Variants in SLC7A11 observed in about 807,000 individuals in gnomAD.
The protein encoded by SLC7A11 is solute carrier family 7 member 11.
SLC7A11 carries 35 observed loss-of-function variants against 54.5 expected under a neutral mutation model. The observed-to-expected ratio is 0.64, with a 90% CI of 0.49 to 0.85. The LOEUF is 0.85. Ranked by LOEUF, SLC7A11 falls within the 40% of genes least tolerant of loss-of-function variation. SLC7A11 has a pLI of 0.00. For synonymous variants in SLC7A11, 230 were observed against 225.2 expected (o/e 1.02, Z -0.19); for missense variants, 583 against 618.1 (o/e 0.94, Z 0.60).
intron 7 of SLC7A11, among the ~76,000 whole-genome samples, chr4:138,184,245 T>C (rs1391159996): frequency 6.6e-6 from 1 of 152,140 alleles, no homozygotes; most frequent in Non-Finnish European, 1.5e-5. Flanking sequence ...TTCAATGTAG[T>C]GAACTCATAC....
At chr4:138,216,832 C>T (rs1350149237) in intron 5 of SLC7A11, among the ~76,000 whole-genome samples, 1 of 152,188 alleles carries the variant, frequency 6.6e-6, no homozygotes, top group Non-Finnish European at 1.5e-5. Context: ...CAAACATTGT[C>T]ATAGCAGCAG....
chr4:138,239,178 G>A (rs1738318294), intron 1 of SLC7A11, among the ~76,000 whole-genome samples: 1 of 152,038 alleles, frequency 6.6e-6, no homozygotes, highest in South Asian at 2.1e-4. Context: ...AATGTTATTG[G>A]GAAGAGTCTT....
rs1042816828 is a variant in SLC7A11 at position 138,235,894 on chromosome 4, G to A, written c.404+431C>T. 2.0e-5 allele frequency among the ~76,000 whole-genome samples: 3 copies of A among 152,266 alleles called. No homozygotes were observed. In the South Asian group the frequency reaches 6.2e-4, roughly 32 times the overall value. ...ACTTGGTGACCAACTAAGTTGTGAG[G>A]CACAGAAGTGTCTTGGTCACAATGA... is the stretch of plus-strand genomic sequence containing the variant. On this transcript the variant is annotated intron_variant, in intron 2 of 11. Coordinates refer to ENST00000280612, the MANE Select transcript of SLC7A11 (RefSeq NM_014331.4).
intron 11 of SLC7A11, among the ~76,000 whole-genome samples, chr4:138,178,781 A>G (rs924145152): frequency 6.6e-6 from 1 of 152,148 alleles, no homozygotes; most frequent in Non-Finnish European, 1.5e-5. Flanking sequence ...CTTTTAAGGT[A>G]GCGTACAGTC....
At chr4:138,219,711 A>G (rs1295822170) in intron 4 of SLC7A11, among the ~76,000 whole-genome samples, 7 of 152,226 alleles carry the variant, frequency 4.6e-5, no homozygotes, top group Non-Finnish European at 8.8e-5. Context: ...AGAATTCTTA[A>G]AAGATAGAAT....
intron 11 of SLC7A11, chr4:138,177,654 A>G (rs1320526920): frequency 4.6e-5 from 7 of 152,134 alleles, no homozygotes; most frequent in Non-Finnish European, 1.0e-4. Context: ...GAATAATAGC[A>G]CCTCACACAT....
In SLC7A11 at chr4:138,219,201, T is replaced by C. The variant is rs541726373; in HGVS notation, c.746+65A>G. On this transcript the variant is annotated intron_variant, in intron 5 of 11. Coordinates refer to ENST00000280612, the MANE Select transcript of SLC7A11 (RefSeq NM_014331.4). The stretch of plus-strand genomic sequence containing the variant: ...TTTGCCTGGCACCTTGCTTGGCACT[T>C]AATCTGAGTGCATAATGGGATTAAT... The C allele has an allele frequency of 1.1e-4, 95 of 899,870 alleles. 1 individual carries two copies. In the South Asian group the frequency reaches 1.4e-3, roughly 13 times the overall value. 55.7% of individuals were successfully genotyped at this position (899,870 alleles called of 1,614,324 possible). A position where few individuals can be genotyped will look rare whatever the true frequency, so the allele number is the denominator to read the frequency against.
chr4:138,240,363 G>A (rs1738346469), intron 1 of SLC7A11, among the ~76,000 whole-genome samples: 1 of 151,930 alleles, frequency 6.6e-6, no homozygotes, highest in African/African-American at 2.4e-5. Flanking sequence ...TCAGGAGATC[G>A]AGACCATCCT....
chr4:138,203,342 C>T (rs1325116277), intron 6 of SLC7A11, among the ~76,000 whole-genome samples: 1 of 151,996 alleles, frequency 6.6e-6, no homozygotes, highest in African/African-American at 2.4e-5. Flanking sequence ...ATTCTCATTT[C>T]AATGCTTTTG....
chr4:138,214,061 A>G (rs1032831599), intron 6 of SLC7A11, among the ~76,000 whole-genome samples: 1 of 152,072 alleles, frequency 6.6e-6, no homozygotes, highest in African/African-American at 2.4e-5. Flanking sequence ...GTTGTTACCT[A>G]GAAAGAAAGA....
In SLC7A11 at chr4:138,166,532, T is replaced by C. The variant is rs1431034391; in HGVS notation, c.*5424A>G. 1.3e-5 allele frequency: 2 copies of C among 152,556 alleles called. No homozygotes were observed. The highest frequency in any genetic ancestry group is 2.9e-5 in the Non-Finnish European group (2 of 68,024). 9.5% of individuals were successfully genotyped at this position (152,556 alleles called of 1,614,324 possible). A position where few individuals can be genotyped will look rare whatever the true frequency, so the allele number is the denominator to read the frequency against. On this transcript the variant is annotated 3_prime_UTR_variant, in exon 12 of 12. Transcript: ENST00000280612. ...ACCAATACATTAATTCACTTGAAAG[T>C]CATACTTTTAAAAAAAATCAGTAGT...
intron 1 of SLC7A11, 148 bp from the exon 2 acceptor site, chr4:138,236,599 A>G (rs912055534): frequency 1.4e-6 from 1 of 705,980 alleles, no homozygotes; most frequent in Admixed American, 2.9e-5. Context: ...ACAAATAACC[A>G]TCATCTAATT....
intron 6 of SLC7A11, among the ~76,000 whole-genome samples, chr4:138,200,962 G>C (rs1350262705): frequency 1.3e-5 from 2 of 151,990 alleles, no homozygotes; most frequent in Non-Finnish European, 2.9e-5. Flanking sequence ...TTAGAGAACG[G>C]CCATGACCAT....
At chr4:138,230,246 C>T (rs76523821) in intron 3 of SLC7A11, among the ~76,000 whole-genome samples, 9,806 of 151,880 alleles carry the variant, frequency 0.065, 660 homozygotes, top group East Asian at 0.39. Context: ...ACTACAGACA[C>T]TGGGCCTGCT....
chr4:138,180,534 A>G, intron 10 of SLC7A11, 107 bp downstream of exon 10: 1 of 1,103,528 alleles, frequency 9.1e-7, no homozygotes, highest in Admixed American at 2.6e-5. Context: ...TTTTTATTCC[A>G]CAGATGCTGC....
chr4:138,238,399 G>A (rs1341506984), intron 1 of SLC7A11, among the ~76,000 whole-genome samples: 1 of 152,164 alleles, frequency 6.6e-6, no homozygotes, highest in Non-Finnish European at 1.5e-5. Context: ...GTACTGCCAA[G>A]TGCTCAAATG....
Position 138,223,309 on chromosome 4 carries a change from A to G in SLC7A11, c.536T>C (p.Leu179Pro). 1.2e-6 allele frequency: 2 copies of G among 1,613,612 alleles called. No homozygotes were observed. The highest frequency in any genetic ancestry group is 2.2e-5 in the South Asian group (2 of 91,070). ...TAVGITVVMV[L>P]NSMSVSWSAR... ...GCTCCAGCTGACACTCATGCTATTT[A>G]GGACCATCACTACAGCTGCAAACAA... The change falls in exon 4 of 12, where the codon CTA becomes CCA. Residue 179 changes from leucine to proline, a missense_variant. Leu to Pro is a moderately conservative substitution (Grantham distance 98). Coordinates refer to ENST00000280612, the MANE Select transcript of SLC7A11 (RefSeq NM_014331.4).
chr4:138,184,876 A>C lies in SLC7A11; in HGVS notation c.915+245T>G, dbSNP rs118188852. ...GGAGAATAAGCTTTGGCAGATTTTC[A>C]AGCATGTATGTGTGAAACTGTTTTA... On this transcript the variant is annotated intron_variant, in intron 7 of 11. Transcript: ENST00000280612. 3.6e-3 allele frequency among the ~76,000 whole-genome samples: 547 copies of C among 152,306 alleles called. 6 individuals are homozygous for C. In the East Asian group the frequency reaches 0.049, roughly 14 times the overall value.
In SLC7A11 at chr4:138,167,006, A is replaced by T. The variant is rs931256119; in HGVS notation, c.*4950T>A. Reference sequence around the variant, plus strand: ...AATTAGACAAAACATTTATTTTTAGACACCAACTAATTGGAAAATATAAGG... The same window carrying T: ...AATTAGACAAAACATTTATTTTTAGTCACCAACTAATTGGAAAATATAAGG... On this transcript the variant is annotated 3_prime_UTR_variant, in exon 12 of 12. Coordinates refer to ENST00000280612, the MANE Select transcript of SLC7A11 (RefSeq NM_014331.4). 2.0e-5 allele frequency: 3 copies of T among 152,168 alleles called. No homozygotes were observed. The highest frequency in any genetic ancestry group is 7.2e-5 in the African/African-American group (3 of 41,438). The allele number at this position is 152,168 out of a possible 1,614,324, so 9.4% of individuals were successfully genotyped here.
Sources: allele counts gnomAD v4.1 joint callset (sites outside exome capture counted in the v4.1 genomes callset), GRCh38; gene constraint gnomAD v4.1.1; transcripts MANE v1.5; gene names NCBI Gene and HGNC (gene_info 2026-07-23, HGNC 2026-07-21).